The following LRPPRC variants were observed in gnomAD, a reference collection of about 807,000 sequenced individuals.
LRPPRC encodes leucine-rich PPR motif-containing protein, mitochondrial.
In LRPPRC, 120 loss-of-function variants were observed where a neutral mutation model predicts 180.3. The ratio of observed to expected loss-of-function variants is 0.67; its 90% confidence interval spans 0.57 to 0.77. The LOEUF (loss-of-function observed/expected upper bound fraction) is 0.77, where lower values mean the gene tolerates loss of function less well. LRPPRC is among the 30% of genes least tolerant of loss of function. The pLI is 0.00. For missense variants in LRPPRC, 2,012 were observed against 1,657.2 expected, an observed-to-expected ratio of 1.21 and a Z score of -3.72; for synonymous variants, 723 against 600.0, an observed-to-expected ratio of 1.21 and a Z score of -3.00.
chr2:43,955,850 C>T (rs1402252677), intron 14 of LRPPRC, among the ~76,000 whole-genome samples: 2 of 152,146 alleles, frequency 1.3e-5, no homozygotes, highest in Admixed American at 6.5e-5. Flanking sequence ...TAGACACAGT[C>T]TCAAATTACC....
intron 14 of LRPPRC, among the ~76,000 whole-genome samples, chr2:43,952,493 CA>C (rs1672944762): frequency 6.6e-6 from 1 of 152,160 alleles, no homozygotes; most frequent in South Asian, 2.1e-4. Context: ...CTAAAATTAC[CA>C]GTGATTTTTA....
At chr2:43,987,109 T>C (rs1674560106) in intron 1 of LRPPRC, among the ~76,000 whole-genome samples, 1 of 152,242 alleles carries the variant, frequency 6.6e-6, no homozygotes, top group Non-Finnish European at 1.5e-5. Context: ...TAAATCCCAC[T>C]TGATCACGGT....
Position 43,888,182 on chromosome 2 carries a change from T to C in LRPPRC, c.*418A>G. On this transcript the variant is annotated 3_prime_UTR_variant, in exon 38 of 38. Coordinates refer to ENST00000260665, the MANE Select transcript of LRPPRC (RefSeq NM_133259.4). ...GGACTTCACACATGTACGGAATGGC[T>C]GTATCACAGAATATTATGCGTTAGA... 1 of 224,892 alleles carries C rather than the reference T, an allele frequency of 4.4e-6. No individual in the cohort carries two copies. The highest frequency in any genetic ancestry group is 8.8e-6 in the Non-Finnish European group (1 of 113,322). The allele number at this position is 224,892 out of a possible 1,614,324, so 13.9% of individuals were successfully genotyped here. A position where few individuals can be genotyped will look rare whatever the true frequency, so the allele number is the denominator to read the frequency against.
chr2:43,974,691 C>G lies in LRPPRC; in HGVS notation c.932G>C (p.Ser311Thr), dbSNP rs1263463914. Residue 311 changes from serine to threonine, a missense_variant, in exon 8 of 38, where the codon AGC (serine) becomes ACC (threonine). By Grantham distance (58) the Ser-to-Thr change is moderately conservative. Coordinates refer to ENST00000260665, the MANE Select transcript of LRPPRC (RefSeq NM_133259.4). ...MDRDLLQIIF[S>T]FSKAGYPQYV... is the part of the protein sequence containing the mutation. Reference sequence around the variant, plus strand: ...CTGAGGATACCCAGCTTTACTGAAGCTAAAAATAATTTGCAGTAAATCACG... The same window carrying G: ...CTGAGGATACCCAGCTTTACTGAAGGTAAAAATAATTTGCAGTAAATCACG... The G allele has an allele frequency of 6.2e-7, 1 of 1,612,892 alleles. No individual in the cohort carries two copies. The highest frequency in any genetic ancestry group is 8.5e-7 in the Non-Finnish European group (1 of 1,179,044).
chr2:43,910,226 T>C (rs1224158804), intron 30 of LRPPRC, among the ~76,000 whole-genome samples: 1 of 137,332 alleles, frequency 7.3e-6, no homozygotes, highest in Admixed American at 7.7e-5. Flanking sequence ...AGGAAACCTT[T>C]ACATCTCTCT....
At chr2:43,933,288 G>C (rs1325202975) in intron 25 of LRPPRC, among the ~76,000 whole-genome samples, 1 of 152,134 alleles carries the variant, frequency 6.6e-6, no homozygotes. Flanking sequence ...TTTCTGGGTT[G>C]TGTGCCTATA....
intron 36 of LRPPRC, chr2:43,892,756 A>C (rs1360372575): frequency 6.6e-6 from 1 of 152,174 alleles, no homozygotes; most frequent in African/African-American, 2.4e-5. Flanking sequence ...TGGCCCCTGC[A>C]CAAAGATGAC....
chr2:43,924,325 G>C (rs950605772), intron 27 of LRPPRC, among the ~76,000 whole-genome samples: 1 of 152,090 alleles, frequency 6.6e-6, no homozygotes, highest in Non-Finnish European at 1.5e-5. Flanking sequence ...TAGTATAAAA[G>C]TACTAGAGCA....
chr2:43,976,909 A>C, intron 5 of LRPPRC, 85 bp downstream of exon 5: 1 of 1,080,306 alleles, frequency 9.3e-7, no homozygotes, highest in Non-Finnish European at 1.4e-6. Flanking sequence ...CATTAGGAAG[A>C]AGCTTTAAAA....
At chr2:43,947,698 T>C (rs775178392) in intron 19 of LRPPRC, 33 bp downstream of exon 19, 25 of 1,263,774 alleles carry the variant, frequency 2.0e-5, no homozygotes, top group Non-Finnish European at 2.1e-5. Flanking sequence ...ATGGGTATTA[T>C]AGCATGTAGA....
intron 13 of LRPPRC, among the ~76,000 whole-genome samples, chr2:43,959,386 G>A (rs1673248368): frequency 1.3e-5 from 2 of 152,152 alleles, no homozygotes; most frequent in South Asian, 2.1e-4. Flanking sequence ...ACATGCACAA[G>A]TAATACATAC....
At chr2:43,915,198 A>AGTCTCTCTCTCTCTCT (rs1671406080) in intron 29 of LRPPRC, among the ~76,000 whole-genome samples, 1 of 63,388 alleles carries the variant, frequency 1.6e-5, no homozygotes, top group African/African-American at 4.6e-5. Context: ...ACAGAACAAG[A>AGTCTCTCTCTCTCTCT]CTCTCTCTCT....
upstream of LRPPRC, chr2:43,996,104 C>A (rs1252992289): frequency 1.6e-5 from 10 of 624,910 alleles, no homozygotes; most frequent in Middle Eastern, 4.2e-4. Context: ...GAAAACCGCA[C>A]TTCTCCGAGG....
chr2:43,926,071 C>A (rs987002760), intron 25 of LRPPRC, 110 bp from the exon 26 acceptor site: 57 of 695,046 alleles, frequency 8.2e-5, no homozygotes, highest in Non-Finnish European at 7.9e-6. Context: ...AATATATATA[C>A]TAAACTTATA....
chr2:43,976,233 C>G lies in LRPPRC; in HGVS notation c.651-4G>C. The G allele has an allele frequency of 6.3e-7, 1 of 1,575,578 alleles. No individual in the cohort carries two copies. On this transcript the variant is annotated splice_region_variant and splice_polypyrimidine_tract_variant and intron_variant, in intron 5 of 37. Transcript: ENST00000260665. ...TTTCATAAATCCAAGAATCTTGCTG[C>G]AAAGGAAAAACGAAGATACTCATTG...
intron 11 of LRPPRC, among the ~76,000 whole-genome samples, chr2:43,969,334 C>A (rs1287536926): frequency 1.3e-5 from 2 of 151,754 alleles, no homozygotes; most frequent in Admixed American, 1.3e-4. Flanking sequence ...ATGGCGTGAA[C>A]CCAGGAGGCA....
At chr2:43,929,382 C>G (rs1365220470) in intron 25 of LRPPRC, among the ~76,000 whole-genome samples, 1 of 152,150 alleles carries the variant, frequency 6.6e-6, no homozygotes, top group Non-Finnish European at 1.5e-5. Flanking sequence ...CTGTGAATGG[C>G]AGCATGTATA....
In LRPPRC at chr2:43,948,460, C is replaced by G; in HGVS notation, c.1794G>C (p.Gln598His). The G allele has an allele frequency of 1.2e-6, 2 of 1,613,346 alleles. No individual in the cohort carries two copies. The highest frequency in any genetic ancestry group is 1.7e-6 in the Non-Finnish European group (2 of 1,179,324). ...LIDSMSDSEV[Q>H]AKEEHLRQYF... ...ATTGTCTCAAATGCTCCTCCTTGGC[C>G]TGTACCTCTGAGTCACTCATGCTGT... The change falls in exon 17 of 38, where the codon CAG becomes CAC. Residue 598 changes from glutamine to histidine, a missense_variant. Gln to His is a conservative substitution (Grantham distance 24). Transcript: ENST00000260665.
intron 30 of LRPPRC, among the ~76,000 whole-genome samples, chr2:43,910,898 A>T (rs890328509): frequency 6.6e-6 from 1 of 151,914 alleles, no homozygotes; most frequent in African/African-American, 2.4e-5. Flanking sequence ...TCAAAATCTA[A>T]TTTTTTTTAA....
Sources: gnomAD v4.1 joint callset for allele counts (sites outside exome capture counted in the v4.1 genomes callset) on GRCh38, gnomAD v4.1.1 for gene constraint, MANE v1.5 for transcripts, NCBI Gene and HGNC (gene_info 2026-07-23, HGNC 2026-07-21) for gene names.